The following IQCH variants were observed in gnomAD, a reference collection of about 807,000 sequenced individuals.
The protein encoded by IQCH is IQ domain-containing protein H.
Under a neutral mutation model 117.0 loss-of-function variants are expected in IQCH, and 98 were observed. The observed-to-expected ratio is 0.84, with a 90% CI of 0.71 to 0.99. The LOEUF is 0.99. IQCH is among the 50% of genes least tolerant of loss of function. IQCH has a pLI of 0.00. For missense variants in IQCH, 1,102 were observed against 1,243.8 expected (o/e 0.89, Z 1.72); for synonymous variants, 412 against 448.2 (o/e 0.92, Z 1.02).
chr15:67,362,744 G>T, intron 8 of IQCH, among the ~76,000 whole-genome samples: 1 of 152,178 alleles, frequency 6.6e-6, no homozygotes, highest in South Asian at 2.1e-4. Context: ...GCAATAGGGG[G>T]CTGTAGGCCC....
chr15:67,281,907 T>C (rs1966376405), intron 4 of IQCH: 3 of 380,266 alleles, frequency 7.9e-6, no homozygotes, highest in African/African-American at 4.2e-5. Context: ...CAGGCTCCTG[T>C]GAACTCCCAA....
At chr15:67,377,066 G>A (rs1368991886) in intron 10 of IQCH, among the ~76,000 whole-genome samples, 9 of 143,784 alleles carry the variant, frequency 6.3e-5, no homozygotes, top group Admixed American at 5.0e-4. Flanking sequence ...GCAGTGAGCC[G>A]AGATCACGCC....
At chr15:67,282,763 A>T (rs942150626) in intron 4 of IQCH, among the ~76,000 whole-genome samples, 2 of 152,166 alleles carry the variant, frequency 1.3e-5, no homozygotes, top group African/African-American at 4.8e-5. Flanking sequence ...AACCAGGTAA[A>T]CCCCAGTCAC....
rs761051880 is a variant in IQCH at position 67,395,432 on chromosome 15, G to C, written c.1774G>C (p.Asp592His). Residue 592 changes from aspartate (D) to histidine (H), a missense_variant, in exon 13 of 21, where the codon GAC becomes CAC. Physicochemically the swap from Asp to His is moderately conservative, Grantham distance 81 (BLOSUM62 -1). Around this residue, in one of 2 missense-constraint regions of IQCH, gnomAD observed 650 missense variants for 794.3 expected, o/e 0.82. Coordinates refer to ENST00000335894, the MANE Select transcript of IQCH (RefSeq NM_001031715.3). This position sits in a 1 kb window ranked among gnomAD's most constrained non-coding sequence, Gnocchi z 4.0. The part of the protein sequence containing the change: ...RDDLAVADML[D>H]IPILGSEPEL... Reference sequence around the variant, plus strand: ...TGATTTAGCTGTGGCCGATATGTTAGACATACCCATCCTGGGCTCTGAGCC... The same window carrying C: ...TGATTTAGCTGTGGCCGATATGTTACACATACCCATCCTGGGCTCTGAGCC... 7 of 1,613,956 alleles carry C rather than the reference G, an allele frequency of 4.3e-6. No homozygotes were observed. The highest frequency in any genetic ancestry group is 5.9e-6 in the Non-Finnish European group (7 of 1,179,988).
In IQCH at chr15:67,254,925, C is replaced by G. The variant is rs997305878; in HGVS notation, c.29C>G (p.Pro10Arg). The change falls in exon 1 of 21, where the codon CCT becomes CGT. Residue 10 changes from proline (P) to arginine (R), a missense_variant. By Grantham distance (103) the Pro-to-Arg change is moderately radical (BLOSUM62 -2). Transcript: ENST00000335894. Reference protein sequence around the residue: MAQNTENHDPVGSILIQIHE... With the variant: MAQNTENHDRVGSILIQIHE... ...GCACAGAACACTGAAAACCACGACC[C>G]TGTCGGATCCATCTTAATCCAGGTG... 1 of 1,613,752 alleles carries G rather than the reference C, an allele frequency of 6.2e-7. No individual in the cohort carries two copies. Among genetic ancestry groups the G allele is most frequent in the Admixed American group, 1.7e-5 (1 of 60,004 alleles).
At chr15:67,434,581 C>G (rs1266877356) in intron 16 of IQCH, among the ~76,000 whole-genome samples, 3 of 152,134 alleles carry the variant, frequency 2.0e-5, no homozygotes, top group Admixed American at 6.5e-5. Flanking sequence ...GTGCAGATAT[C>G]TCTTCAAGAT....
Position 67,431,613 on chromosome 15 carries a change from G to A in IQCH, c.2505+10036G>A, listed in dbSNP as rs139318000. ...ACAAGTTTACCTGTGTAGCAAACCT[G>A]CACACGTACCCCGAACTTAAAAGTT... On this transcript the variant is annotated intron_variant, in intron 16 of 20. Coordinates refer to ENST00000335894, the MANE Select transcript of IQCH (RefSeq NM_001031715.3). This position sits in a 1 kb window ranked among gnomAD's most constrained non-coding sequence, Gnocchi z 4.8. Among the ~76,000 whole-genome samples the A allele has an allele frequency of 1.4e-4, 22 of 151,992 alleles. No individual in the cohort carries two copies. Among genetic ancestry groups the A allele is most frequent in the African/African-American group, 5.1e-4 (21 of 41,420 alleles).
In IQCH at chr15:67,453,553, C is replaced by T. The variant is rs988891403; in HGVS notation, c.2506-11574C>T. Among the ~76,000 whole-genome samples the T allele has an allele frequency of 1.3e-5, 2 of 152,110 alleles. No individual in the cohort carries two copies. Among genetic ancestry groups the T allele is most frequent in the African/African-American group, 4.8e-5 (2 of 41,410 alleles). On this transcript the variant is annotated intron_variant, in intron 16 of 20. Coordinates refer to ENST00000335894, the MANE Select transcript of IQCH (RefSeq NM_001031715.3). This position sits in a 1 kb window ranked among gnomAD's most constrained non-coding sequence, Gnocchi z 5.8. ...TGCAGAACAGTGGATTTTGGTGAACCGCAAATGCTGCTGCCTGATCATTCC... is the reference window on the plus strand; with the variant it reads ...TGCAGAACAGTGGATTTTGGTGAACTGCAAATGCTGCTGCCTGATCATTCC...
chr15:67,260,558 T>C (rs1965413714), intron 1 of IQCH, among the ~76,000 whole-genome samples: 2 of 152,140 alleles, frequency 1.3e-5, no homozygotes, highest in African/African-American at 4.8e-5. Flanking sequence ...AGACATTGCT[T>C]CTGCTACAAC....
intron 4 of IQCH, among the ~76,000 whole-genome samples, chr15:67,323,583 A>G (rs1052622508): frequency 6.6e-6 from 1 of 152,038 alleles, no homozygotes; most frequent in African/African-American, 2.4e-5. Flanking sequence ...TTCCATTTTA[A>G]ATCTTTTATG....
rs925541362 is a variant in IQCH at position 67,476,605 on chromosome 15, C to T, written c.2799+787C>T. ...ACTTTTGGTCTATTTCCAATGATAC[C>T]GGGGGCCCCTGCATAGCTGCTTTAT... On this transcript the variant is annotated intron_variant, in intron 18 of 20. Coordinates refer to ENST00000335894, the MANE Select transcript of IQCH (RefSeq NM_001031715.3). This position sits in a 1 kb window ranked among gnomAD's most constrained non-coding sequence, Gnocchi z 4.1. 6.6e-5 allele frequency among the ~76,000 whole-genome samples: 10 copies of T among 152,178 alleles called. No homozygotes were observed. Among genetic ancestry groups the T allele is most frequent in the Admixed American group, 2.0e-4 (3 of 15,286 alleles).
intron 6 of IQCH, among the ~76,000 whole-genome samples, chr15:67,349,649 G>A (rs1969566687): frequency 6.7e-6 from 1 of 149,234 alleles, no homozygotes; most frequent in Admixed American, 6.7e-5. Flanking sequence ...TATAGATTGA[G>A]AGTTAATATT....
chr15:67,300,682 A>G (rs1966982170), intron 4 of IQCH, among the ~76,000 whole-genome samples: 1 of 152,158 alleles, frequency 6.6e-6, no homozygotes. Flanking sequence ...AAGCATTTCA[A>G]TTTTGATTAC....
At chr15:67,489,207 G>C (rs543394006) in intron 18 of IQCH, among the ~76,000 whole-genome samples, 1 of 151,372 alleles carries the variant, frequency 6.6e-6, no homozygotes, top group South Asian at 2.1e-4. Flanking sequence ...CTAATTTTTT[G>C]TATTTTTAGT....
Position 67,473,719 on chromosome 15 carries a change from C to T in IQCH, c.2677-1977C>T, listed in dbSNP as rs2083128584. Among the ~76,000 whole-genome samples, 1 of 152,154 alleles carries T rather than the reference C, an allele frequency of 6.6e-6. No homozygotes were observed. The highest frequency in any genetic ancestry group is 2.4e-5 in the African/African-American group (1 of 41,438). Reference sequence around the variant, plus strand: ...AAACAGCGCCTGCCCTCAGAAAACTCCCAGTCATGGAGGGCAGATGACCAA... The same window carrying T: ...AAACAGCGCCTGCCCTCAGAAAACTTCCAGTCATGGAGGGCAGATGACCAA... On this transcript the variant is annotated intron_variant, in intron 17 of 20. Transcript: ENST00000335894. The surrounding 1 kb of genome is among the most constrained non-coding windows in gnomAD (Gnocchi z 4.9).
intron 4 of IQCH, among the ~76,000 whole-genome samples, chr15:67,296,710 T>G (rs1966854685): frequency 6.6e-6 from 1 of 152,200 alleles, no homozygotes; most frequent in Non-Finnish European, 1.5e-5. Context: ...CTTTATAATG[T>G]GGCAGTATGT....
At chr15:67,421,680 C>G (rs2081746708) in intron 16 of IQCH, 103 bp downstream of exon 16, 1 of 1,144,686 alleles carries the variant, frequency 8.7e-7, no homozygotes, top group Non-Finnish European at 1.3e-6. Flanking sequence ...CTAAAATGCA[C>G]TGATTCTCTG....
At position 67,261,295 on chromosome 15, in the gene IQCH, A is replaced by G. The variant is rs1210739583; in HGVS notation, c.75A>G (p.Leu25=). 4.5e-6 allele frequency: 7 copies of G among 1,560,358 alleles called. No homozygotes were observed. The highest frequency in any genetic ancestry group is 2.3e-5 in the East Asian group (1 of 43,858). Residue 25 remains leucine, a synonymous_variant, in exon 2 of 21, where the codon TTA becomes TTG. Coordinates refer to ENST00000335894, the MANE Select transcript of IQCH (RefSeq NM_001031715.3). ...LIQIHEDLYQ[L]KEKLTKFSPE... ...AGATCCATGAAGACCTTTATCAGTT[A>G]AAGGAGAAATTAACAAAATTCTCAC...
chr15:67,367,256 C>T (rs759389927), intron 8 of IQCH, among the ~76,000 whole-genome samples: 1 of 152,128 alleles, frequency 6.6e-6, no homozygotes, highest in South Asian at 2.1e-4. Flanking sequence ...AAAAAATGAG[C>T]TGAGTGCAGT....
Sources: allele counts gnomAD v4.1 joint callset (sites outside exome capture counted in the v4.1 genomes callset), GRCh38; gene constraint gnomAD v4.1.1; regional missense constraint gnomAD v4.1.1; non-coding constraint Gnocchi (gnomAD v3.1); transcripts MANE v1.5; gene names NCBI Gene and HGNC (gene_info 2026-07-23, HGNC 2026-07-21).